MED23: variants seen among roughly 807,000 people sequenced by gnomAD.
MED23 encodes the protein mediator complex subunit 23.
A neutral mutation model predicts 163.9 loss-of-function variants in MED23; 105 were observed. That is an observed-to-expected ratio of 0.64 (90% CI 0.55 to 0.75). MED23 has a LOEUF of 0.75. Ranked by LOEUF, MED23 falls within the 30% of genes least tolerant of loss-of-function variation. MED23 has a pLI of 0.00. For missense variants in MED23, 1,054 were observed against 1,649.0 expected, an observed-to-expected ratio of 0.64 and a Z score of 6.25; for synonymous variants, 561 against 565.6, an observed-to-expected ratio of 0.99 and a Z score of 0.12.
At position 131,598,801 on chromosome 6, in the gene MED23, A is replaced by G; in HGVS notation, c.2221-40T>C. ...AGAAGTTTATTTCATTGGTTATAGTAGAAAGAGCACTGGATATGGAGTTAA... is the reference window on the plus strand; with the variant it reads ...AGAAGTTTATTTCATTGGTTATAGTGGAAAGAGCACTGGATATGGAGTTAA... On this transcript the variant is annotated intron_variant, in intron 18 of 28. Transcript: ENST00000368068. The surrounding 1 kb of genome is among the most constrained non-coding windows in gnomAD (Gnocchi z 4.7). 1 of 1,574,492 alleles carries G rather than the reference A, an allele frequency of 6.4e-7. No individual in the cohort carries two copies. Among genetic ancestry groups the G allele is most frequent in the Non-Finnish European group, 8.7e-7 (1 of 1,144,172 alleles).
intron 28 of MED23, among the ~76,000 whole-genome samples, chr6:131,588,214 T>C (rs1472851497): frequency 6.6e-6 from 1 of 152,222 alleles, no homozygotes; most frequent in Non-Finnish European, 1.5e-5. Flanking sequence ...ATCCAACAAG[T>C]TGATCATTCT....
chr6:131,574,942 T>G (rs1397602498), intron 30 of MED23, among the ~76,000 whole-genome samples: 1 of 152,198 alleles, frequency 6.6e-6, no homozygotes. Flanking sequence ...GCCTATGCCC[T>G]TGATTTGCAC....
Position 131,590,247 on chromosome 6 carries a change from A to G in MED23, c.3807+75T>C, listed in dbSNP as rs145414703. The stretch of plus-strand genomic sequence containing the variant: ...CTAATGGTTGTGACCTGCAGTTTCA[A>G]TAACACTGGTAAAGAAACTTAAATA... On this transcript the variant is annotated intron_variant, in intron 27 of 28. Transcript: ENST00000368068. The G allele has an allele frequency of 6.3e-3, 8,938 of 1,413,816 alleles. 32 individuals are homozygous for G. Among genetic ancestry groups the G allele is most frequent in the Non-Finnish European group, 8.3e-3 (8,350 of 1,003,974 alleles). The allele number at this position is 1,413,816 out of a possible 1,614,324, so 87.6% of individuals were successfully genotyped here.
chr6:131,618,452 A>G lies in MED23; in HGVS notation c.735T>C (p.Pro245=). 6.2e-7 allele frequency: 1 copy of G among 1,614,100 alleles called. No homozygotes were observed. The highest frequency in any genetic ancestry group is 8.5e-7 in the Non-Finnish European group (1 of 1,179,980). ...GAICNSWKLD[P]ATLRFPLKGL... ...CTTTCAAAGGAAAACGAAGAGTAGCAGGATCCAGTTTCCATGAATTACAAA... is the reference window on the plus strand; with the variant it reads ...CTTTCAAAGGAAAACGAAGAGTAGCGGGATCCAGTTTCCATGAATTACAAA... Residue 245 remains proline, a synonymous_variant, in exon 9 of 29, where the codon CCT becomes CCC. Coordinates refer to ENST00000368068, the MANE Select transcript of MED23 (RefSeq NM_004830.4).
In MED23 at chr6:131,612,431, C is replaced by G. The variant is rs1301370244; in HGVS notation, c.877-2185G>C. Among the ~76,000 whole-genome samples, 4 of 151,952 alleles carry G rather than the reference C, an allele frequency of 2.6e-5. No individual in the cohort carries two copies. In the East Asian group the frequency reaches 7.7e-4, roughly 29 times the overall value. ...TAGCAGATGGTTTTACAAAGTGGAA[C>G]AAACATTTGTAAAGCAGTTTCAGAA... is the stretch of plus-strand genomic sequence containing the variant. On this transcript the variant is annotated intron_variant, in intron 10 of 28. Coordinates refer to ENST00000368068, the MANE Select transcript of MED23 (RefSeq NM_004830.4).
chr6:131,593,026 A>C lies in MED23; in HGVS notation c.3378T>G (p.Leu1126=). ...CATACCTTTTTAGGACAACATTTAGAAGGGCATTCCCAACTTCTTTGCCTG... is the reference window on the plus strand; with the variant it reads ...CATACCTTTTTAGGACAACATTTAGCAGGGCATTCCCAACTTCTTTGCCTG... The part of the protein sequence containing the change: ...AVSGKEVGNA[L]LNVVLKSQPL... The change falls in exon 24 of 29, where the codon CTT becomes CTG. Residue 1126 remains leucine, a synonymous_variant. Transcript: ENST00000368068. The C allele has an allele frequency of 1.2e-6, 2 of 1,614,198 alleles. No individual in the cohort carries two copies. The highest frequency in any genetic ancestry group is 1.7e-6 in the Non-Finnish European group (2 of 1,180,024).
chr6:131,615,586 C>A (rs1334456504), intron 10 of MED23: 15 of 475,968 alleles, frequency 3.2e-5, no homozygotes, highest in African/African-American at 1.9e-4. Context: ...AAAATAGACA[C>A]CCAAACAACA....
At chr6:131,583,675 T>G, downstream of MED23, 1 of 1,566,008 alleles carries the variant, frequency 6.4e-7, no homozygotes, top group Non-Finnish European at 8.8e-7. Flanking sequence ...ATCTTTCAAG[T>G]CTGTCTGTAC....
In MED23 at chr6:131,604,267, C is replaced by A. The variant is rs1775694225; in HGVS notation, c.1667G>T (p.Ser556Ile). The part of the protein sequence containing the change: ...RVIKLAHAKS[S>I]VALAPALVET... ...CACTAGGGCTGGAGCCAAGGCCACACTGGACTTTGCATGAGCAAGTTTTAT... is the reference window on the plus strand; with the variant it reads ...CACTAGGGCTGGAGCCAAGGCCACAATGGACTTTGCATGAGCAAGTTTTAT... Residue 556 changes from serine (S) to isoleucine (I), a missense_variant, in exon 15 of 29, where the codon AGT becomes ATT. By Grantham distance (142) the Ser-to-Ile change is moderately radical. Transcript: ENST00000368068. 2 of 1,613,814 alleles carry A rather than the reference C, an allele frequency of 1.2e-6. No homozygotes were observed. Among genetic ancestry groups the A allele is most frequent in the South Asian group, 1.1e-5 (1 of 91,080 alleles).
chr6:131,623,496 G>T, intron 4 of MED23, 34 bp from the exon 5 acceptor site: 1 of 1,580,702 alleles, frequency 6.3e-7, no homozygotes, highest in Non-Finnish European at 8.7e-7. Context: ...CCAGTTACAA[G>T]ACAGAATTTT....
At chr6:131,603,962 C>A (rs1024939516) in intron 15 of MED23, among the ~76,000 whole-genome samples, 2 of 152,102 alleles carry the variant, frequency 1.3e-5, no homozygotes, top group African/African-American at 4.8e-5. Flanking sequence ...ATGCAACAAA[C>A]CCCCCAACCC....
chr6:131,627,172 A>T (rs992382663), intron 3 of MED23: 3 of 524,270 alleles, frequency 5.7e-6, no homozygotes, highest in South Asian at 5.6e-5. Flanking sequence ...TTTTTTAAAC[A>T]TCTCACACTG....
chr6:131,609,506 CTTTT>C (rs71030751), intron 11 of MED23, among the ~76,000 whole-genome samples: 6 of 98,020 alleles, frequency 6.1e-5, no homozygotes, highest in Admixed American at 2.3e-4. Context: ...GAGACTATTC[CTTTT>C]TTTTTTTTTT....
chr6:131,582,783 AC>A, downstream of MED23: 3 of 1,327,252 alleles, frequency 2.3e-6, no homozygotes, highest in South Asian at 3.5e-5. Flanking sequence ...TGCTTTACTG[AC>A]CAACTCTATG....
chr6:131,582,710 G>A (rs2114546024), downstream of MED23: 1 of 1,613,486 alleles, frequency 6.2e-7, no homozygotes, highest in South Asian at 1.1e-5. Flanking sequence ...TGGACCCTGG[G>A]GAACAGTAAG....
chr6:131,628,240 G>A lies in MED23; in HGVS notation c.-191C>T. The A allele has an allele frequency of 6.2e-6, 4 of 641,488 alleles. No individual in the cohort carries two copies. The highest frequency in any genetic ancestry group is 3.6e-5 in the African/African-American group (2 of 55,388). 39.7% of individuals were successfully genotyped at this position (641,488 alleles called of 1,614,324 possible). A position where few individuals can be genotyped will look rare whatever the true frequency, so the allele number is the denominator to read the frequency against. ...GCCAACAGCAGGAACCTGTACGGAA[G>A]ACGGGAAGGGCCCGGTACGCGCCGT... On this transcript the variant is annotated 5_prime_UTR_variant, in exon 1 of 29. Coordinates refer to ENST00000368068, the MANE Select transcript of MED23 (RefSeq NM_004830.4).
chr6:131,602,475 T>C (rs1217238239), intron 16 of MED23, 94 bp from the exon 17 acceptor site: 1 of 1,126,422 alleles, frequency 8.9e-7, no homozygotes, highest in East Asian at 2.6e-5. Flanking sequence ...ATGCAATCTA[T>C]GACTATCCCT....
chr6:131,574,613 T>G (rs1461822948), intron 30 of MED23, among the ~76,000 whole-genome samples: 1 of 152,132 alleles, frequency 6.6e-6, no homozygotes, highest in Non-Finnish European at 1.5e-5. Context: ...AGAGAGAGAT[T>G]TTTTACACTA....
chr6:131,607,868 C>T, intron 12 of MED23, 60 bp downstream of exon 12: 1 of 1,562,756 alleles, frequency 6.4e-7, no homozygotes, highest in Admixed American at 1.7e-5. Flanking sequence ...AATCCTTAAA[C>T]ATAAATTAGA....
Sources: allele counts gnomAD v4.1 joint callset (sites outside exome capture counted in the v4.1 genomes callset), GRCh38; gene constraint gnomAD v4.1.1; non-coding constraint Gnocchi (gnomAD v3.1); transcripts MANE v1.5; gene names NCBI Gene and HGNC (gene_info 2026-07-23, HGNC 2026-07-21).